Variants in CISD2 observed in about 807,000 individuals in gnomAD.
CISD2 encodes the protein CDGSH iron sulfur domain 2.
In CISD2, 1 loss-of-function variant was observed where a neutral mutation model predicts 12.9. That is an observed-to-expected ratio of 0.08 (90% confidence interval 0.03 to 0.37). CISD2 has a LOEUF of 0.37. CISD2 is among the 10% of genes least tolerant of loss of function. The pLI, the probability that CISD2 is intolerant of heterozygous loss-of-function variation, is 0.99. For synonymous variants in CISD2, 50 were observed against 60.6 expected, an observed-to-expected ratio of 0.83 and a Z score of 0.81; for missense variants, 97 against 163.1, an observed-to-expected ratio of 0.59 and a Z score of 2.21.
chr4:102,869,304 CCGCGCGCAGAGGAAGGTGGG>C, intron 1 of CISD2, 117 bp downstream of exon 1: 2 of 1,400,906 alleles, frequency 1.4e-6, no homozygotes, highest in Non-Finnish European at 2.0e-6. Flanking sequence ...CACGTGATCC[CCGCGCGCAGAGGAAGGTGGG>C]CGCGCGCCGA....
At chr4:102,879,394 G>C (rs1733664328) in intron 1 of CISD2, among the ~76,000 whole-genome samples, 1 of 152,094 alleles carries the variant, frequency 6.6e-6, no homozygotes, top group Admixed American at 6.6e-5. Flanking sequence ...AGTACTACAA[G>C]AGCAAACTTT....
chr4:102,870,261 A>G (rs969165453), intron 1 of CISD2, among the ~76,000 whole-genome samples: 1 of 152,234 alleles, frequency 6.6e-6, no homozygotes, highest in Admixed American at 6.5e-5. Context: ...TAACAAATTA[A>G]CCAAATTAGT....
chr4:102,869,264 C>T lies in CISD2; in HGVS notation c.103+77C>T, dbSNP rs574658881. 75 of 1,531,154 alleles carry T rather than the reference C, an allele frequency of 4.9e-5. No homozygotes were observed. In the East Asian group the frequency reaches 1.7e-3, roughly 34 times the overall value. 94.8% of individuals were successfully genotyped at this position (1,531,154 alleles called of 1,614,324 possible). On this transcript the variant is annotated intron_variant, in intron 1 of 2. Coordinates refer to ENST00000273986, the MANE Select transcript of CISD2 (RefSeq NM_001008388.5). ...GGAAGGAGGCGTAAAAATCCTAGGG[C>T]CAAGGGGCGGGACGGAGCTCGGCGC...
At chr4:102,870,838 G>C (rs907208780) in intron 1 of CISD2, among the ~76,000 whole-genome samples, 1 of 152,036 alleles carries the variant, frequency 6.6e-6, no homozygotes, top group East Asian at 1.9e-4. Context: ...ACATCACAAT[G>C]GGCCTAACCA....
At position 102,888,854 on chromosome 4, in the gene CISD2, C is replaced by G. The variant is rs1340836138; in HGVS notation, c.*1424C>G. 1 of 152,234 alleles carries G rather than the reference C, an allele frequency of 6.6e-6. No individual in the cohort carries two copies. The highest frequency in any genetic ancestry group is 1.5e-5 in the Non-Finnish European group (1 of 68,034). 9.4% of individuals were successfully genotyped at this position (152,234 alleles called of 1,614,324 possible). On this transcript the variant is annotated 3_prime_UTR_variant, in exon 3 of 3. Transcript: ENST00000273986. ...CACTGAGTGCGTTTCTGAGACCTTG[C>G]TAGGCACTCTGGAAACTGCTTAGTT...
Position 102,890,067 on chromosome 4 carries a change from C to CATAAAA in CISD2, c.*2642_*2643insAATAAA, listed in dbSNP as rs1200782448. ...ACTCAGCAAATGAACATCACTATTA[C>CATAAAA]ATAAACATCAGGTATCCAAAAGTGT... On this transcript the variant is annotated 3_prime_UTR_variant, in exon 3 of 3. Transcript: ENST00000273986. 1 of 152,194 alleles carries CATAAAA rather than the reference C, an allele frequency of 6.6e-6. No individual in the cohort carries two copies. The highest frequency in any genetic ancestry group is 1.5e-5 in the Non-Finnish European group (1 of 68,036). The allele number at this position is 152,194 out of a possible 1,614,324, so 9.4% of individuals were successfully genotyped here.
At position 102,885,230 on chromosome 4, in the gene CISD2, C is replaced by T. The variant is rs753403300; in HGVS notation, c.118C>T (p.Arg40Trp). The change falls in exon 2 of 3, where the codon CGG (arginine) becomes TGG (tryptophan). Residue 40 changes from arginine (R) to tryptophan (W), a missense_variant. Physicochemically the swap from Arg to Trp is moderately radical, Grantham distance 101 (BLOSUM62 -3). Coordinates refer to ENST00000273986, the MANE Select transcript of CISD2 (RefSeq NM_001008388.5). ...TACATGTTTAGTTTCAGAATGGCTT[C>T]GGTTATTGCCTTTCCTTGGTGTACT... ...FARLTVSEWL[R>W]LLPFLGVLAL... The T allele has an allele frequency of 6.8e-6, 11 of 1,613,810 alleles. No homozygotes were observed. Among genetic ancestry groups the T allele is most frequent in the Middle Eastern group, 1.6e-4 (1 of 6,082 alleles).
In CISD2 at chr4:102,889,511, TGAG is replaced by T. The variant is rs769899852; in HGVS notation, c.*2085_*2087del. ...TTACAGGAGGCAAATTTACTAAAAA[TGAG>T]GAGACTAAAATGAATGACCAACTTT... On this transcript the variant is annotated 3_prime_UTR_variant, in exon 3 of 3. Transcript: ENST00000273986. 3.3e-5 allele frequency: 5 copies of T among 152,248 alleles called. No individual in the cohort carries two copies. Among genetic ancestry groups the T allele is most frequent in the East Asian group, 3.8e-4 (2 of 5,208 alleles). 9.4% of individuals were successfully genotyped at this position (152,248 alleles called of 1,614,324 possible).
At position 102,889,196 on chromosome 4, in the gene CISD2, G is replaced by T. The variant is rs1734100516; in HGVS notation, c.*1766G>T. The stretch of plus-strand genomic sequence containing the variant: ...TTTTACAAGGTGTATGTCCAAAATT[G>T]TTCTTTCCTCACATGTCAGTGGGGG... On this transcript the variant is annotated 3_prime_UTR_variant, in exon 3 of 3. Transcript: ENST00000273986. 6.6e-6 allele frequency: 1 copy of T among 152,144 alleles called. No homozygotes were observed. The highest frequency in any genetic ancestry group is 2.1e-4 in the South Asian group (1 of 4,830). The allele number at this position is 152,144 out of a possible 1,614,324, so 9.4% of individuals were successfully genotyped here.
In CISD2 at chr4:102,869,053, G is replaced by A. The variant is rs1553968629; in HGVS notation, c.-32G>A. ...CGGCAGCTTGGCCAGAGCGGAGGGGGCTCGGGAGAGGAGTGGACGCCGCTG... is the reference window on the plus strand; with the variant it reads ...CGGCAGCTTGGCCAGAGCGGAGGGGACTCGGGAGAGGAGTGGACGCCGCTG... On this transcript the variant is annotated 5_prime_UTR_variant, in exon 1 of 3. Transcript: ENST00000273986. 6.3e-7 allele frequency: 1 copy of A among 1,589,156 alleles called. No individual in the cohort carries two copies.
At chr4:102,874,810 C>CACT (rs1029965796) in intron 1 of CISD2, 1 of 152,174 alleles carries the variant, frequency 6.6e-6, no homozygotes, top group Admixed American at 6.5e-5. Context: ...CTTTAATGGC[C>CACT]ACTACCTTAG....
At chr4:102,870,014 GA>G (rs1733389293) in intron 1 of CISD2, among the ~76,000 whole-genome samples, 1 of 152,174 alleles carries the variant, frequency 6.6e-6, no homozygotes, top group Non-Finnish European at 1.5e-5. Flanking sequence ...TTGTAAGGGG[GA>G]TATTTCTAAA....
intron 1 of CISD2, among the ~76,000 whole-genome samples, chr4:102,873,652 C>T (rs913680246): frequency 1.1e-4 from 15 of 141,830 alleles, no homozygotes; most frequent in Admixed American, 1.6e-4. Context: ...TAGTGGGATA[C>T]GTGGAAGGCT....
intron 1 of CISD2, 104 bp downstream of exon 1, chr4:102,869,291 T>C: frequency 7.1e-7 from 1 of 1,411,334 alleles, no homozygotes; most frequent in Non-Finnish European, 9.7e-7. Context: ...GCTCGGCGCC[T>C]GGCACGTGAT....
At chr4:102,874,742 T>C (rs1733551210) in intron 1 of CISD2, 1 of 152,236 alleles carries the variant, frequency 6.6e-6, no homozygotes, top group South Asian at 2.1e-4. Context: ...CACATTGTTC[T>C]CTGCAGTTTA....
At chr4:102,880,423 CAA>C (rs1417345239) in intron 1 of CISD2, among the ~76,000 whole-genome samples, 2 of 151,606 alleles carry the variant, frequency 1.3e-5, no homozygotes, top group Non-Finnish European at 2.9e-5. Context: ...ATTTACATAC[CAA>C]AAAAGAGATA....
intron 1 of CISD2, among the ~76,000 whole-genome samples, chr4:102,877,520 C>A (rs1733618684): frequency 6.6e-6 from 1 of 152,236 alleles, no homozygotes. Flanking sequence ...TGCGGCTTTT[C>A]CAGATGCATG....
At chr4:102,872,787 C>T (rs768824641) in intron 1 of CISD2, among the ~76,000 whole-genome samples, 1 of 152,120 alleles carries the variant, frequency 6.6e-6, no homozygotes, top group Non-Finnish European at 1.5e-5. Context: ...AATTTTGTTT[C>T]CCAAAGAAGA....
chr4:102,870,483 GGTCA>G (rs1733408730), intron 1 of CISD2, among the ~76,000 whole-genome samples: 2 of 152,044 alleles, frequency 1.3e-5, no homozygotes, highest in Non-Finnish European at 2.9e-5. Flanking sequence ...ATTGAATTAT[GGTCA>G]GACAGACGCT....
Sources: gnomAD v4.1 joint callset for allele counts (sites outside exome capture counted in the v4.1 genomes callset) on GRCh38, gnomAD v4.1.1 for gene constraint, MANE v1.5 for transcripts, NCBI Gene and HGNC (gene_info 2026-07-23, HGNC 2026-07-21) for gene names.